Variants in CSNK2A2IP observed in about 807,000 individuals in gnomAD.
CSNK2A2IP encodes the protein casein kinase II subunit alpha'-interacting protein.
the CSNK2A2IP span, among the ~76,000 whole-genome samples, chr3:88,403,868 A>G: frequency 2.6e-5 from 4 of 152,150 alleles, no homozygotes; most frequent in Admixed American, 2.6e-4. Context: ...GCTTTGGCAA[A>G]GAAATCTGGA....
the CSNK2A2IP span, among the ~76,000 whole-genome samples, chr3:88,368,369 G>A: frequency 1.3e-5 from 2 of 151,956 alleles, no homozygotes; most frequent in Non-Finnish European, 2.9e-5. Context: ...AGAAAAGTTG[G>A]CTAGAGAGTG....
At chr3:88,380,340 G>C in the CSNK2A2IP span, among the ~76,000 whole-genome samples, 2 of 152,008 alleles carry the variant, frequency 1.3e-5, no homozygotes, top group East Asian at 3.9e-4. Context: ...AGAGTCAAAA[G>C]AACTAGCCAA....
At chr3:88,367,030 C>G in the CSNK2A2IP span, among the ~76,000 whole-genome samples, 1 of 152,040 alleles carries the variant, frequency 6.6e-6, no homozygotes. Flanking sequence ...TCAATTGTCT[C>G]CCACAGGGTC....
chr3:88,340,775 C>T, the CSNK2A2IP span, among the ~76,000 whole-genome samples: 1 of 151,872 alleles, frequency 6.6e-6, no homozygotes, highest in East Asian at 1.9e-4. Context: ...GGTATGCCAC[C>T]TGAACAGCTT....
the CSNK2A2IP span, among the ~76,000 whole-genome samples, chr3:88,463,199 G>A: frequency 4.6e-5 from 7 of 151,758 alleles, no homozygotes; most frequent in African/African-American, 1.7e-4. Flanking sequence ...TTCTTCCAGG[G>A]CCTCAGGCCA....
At chr3:88,464,382 C>G in the CSNK2A2IP span, among the ~76,000 whole-genome samples, 1 of 151,166 alleles carries the variant, frequency 6.6e-6, no homozygotes, top group Non-Finnish European at 1.5e-5. Flanking sequence ...GATGTGATTA[C>G]TTAGGAATAA....
At chr3:88,390,723 ATAAT>A in the CSNK2A2IP span, among the ~76,000 whole-genome samples, 1 of 152,190 alleles carries the variant, frequency 6.6e-6, no homozygotes, top group African/African-American at 2.4e-5. Context: ...GCAGTCTGAA[ATAAT>A]TAGTGCAGCA....
the CSNK2A2IP span, among the ~76,000 whole-genome samples, chr3:88,366,187 C>T: frequency 6.6e-6 from 1 of 152,158 alleles, no homozygotes; most frequent in African/African-American, 2.4e-5. Flanking sequence ...TGAGGTCCCA[C>T]AGACCTACAG....
chr3:88,380,596 A>G, the CSNK2A2IP span, among the ~76,000 whole-genome samples: 1 of 152,012 alleles, frequency 6.6e-6, no homozygotes, highest in Non-Finnish European at 1.5e-5. Context: ...TATAGAAAAA[A>G]CAGCTATTTC....
At chr3:88,355,509 T>G in the CSNK2A2IP span, among the ~76,000 whole-genome samples, 1 of 152,160 alleles carries the variant, frequency 6.6e-6, no homozygotes, top group African/African-American at 2.4e-5. Context: ...CTAAATGTCT[T>G]TGGTCACACC....
chr3:88,463,349 A>T, the CSNK2A2IP span, among the ~76,000 whole-genome samples: 1 of 152,058 alleles, frequency 6.6e-6, no homozygotes, highest in Non-Finnish European at 1.5e-5. Context: ...CACCCTATGA[A>T]TTGCCTTTAA....
the CSNK2A2IP span, among the ~76,000 whole-genome samples, chr3:88,437,668 T>C: frequency 2.0e-5 from 3 of 152,172 alleles, no homozygotes; most frequent in Non-Finnish European, 2.9e-5. Flanking sequence ...AATCTTGGCA[T>C]AAAAGCAAAT....
the CSNK2A2IP span, among the ~76,000 whole-genome samples, chr3:88,464,211 C>T: frequency 6.6e-6 from 1 of 150,948 alleles, no homozygotes; most frequent in Non-Finnish European, 1.5e-5. Context: ...ATACCTAATG[C>T]TAAATGACGA....
chr3:88,392,175 A>C, the CSNK2A2IP span, among the ~76,000 whole-genome samples: 1 of 152,138 alleles, frequency 6.6e-6, no homozygotes, highest in East Asian at 1.9e-4. Flanking sequence ...AAAACACAGA[A>C]AAGGAGTAGG....
chr3:88,360,139 C>CTT, the CSNK2A2IP span, among the ~76,000 whole-genome samples: 2 of 140,360 alleles, frequency 1.4e-5, no homozygotes, highest in African/African-American at 2.6e-5. Context: ...GAGTTTTTGT[C>CTT]TTTTTTTTTT....
chr3:88,351,308 C>G, the CSNK2A2IP span, among the ~76,000 whole-genome samples: 4 of 152,006 alleles, frequency 2.6e-5, no homozygotes, highest in Admixed American at 2.6e-4. Context: ...GAGAGGACTG[C>G]TACAAATGAA....
chr3:88,415,421 A>G, the CSNK2A2IP span, among the ~76,000 whole-genome samples: 1 of 152,014 alleles, frequency 6.6e-6, no homozygotes, highest in South Asian at 2.1e-4. Flanking sequence ...CACATTATAG[A>G]AATAGACTGG....
At chr3:88,413,228 T>C in the CSNK2A2IP span, among the ~76,000 whole-genome samples, 2 of 152,004 alleles carry the variant, frequency 1.3e-5, no homozygotes, top group African/African-American at 4.8e-5. Flanking sequence ...CTGAATCTAA[T>C]GTTGAAAAAA....
the CSNK2A2IP span, among the ~76,000 whole-genome samples, chr3:88,384,880 G>A: frequency 1.1e-4 from 17 of 151,968 alleles, no homozygotes; most frequent in South Asian, 1.0e-3. Context: ...GGGAAATGAA[G>A]GAAATGAGAA....
Sources: gnomAD v4.1 joint callset for allele counts (sites outside exome capture counted in the v4.1 genomes callset) on GRCh38, gnomAD v4.1.1 for gene constraint, MANE v1.5 for transcripts, NCBI Gene and HGNC (gene_info 2026-07-23, HGNC 2026-07-21) for gene names.